UBE3C: variants seen among roughly 807,000 people sequenced by gnomAD.
The protein encoded by UBE3C is ubiquitin-protein ligase E3C.
Under a neutral mutation model 129.4 loss-of-function variants are expected in UBE3C, and 42 were observed. The ratio of observed to expected loss-of-function variants is 0.32; its 90% confidence interval spans 0.25 to 0.42. The LOEUF is 0.42. Ranked by LOEUF, UBE3C falls within the 10% of genes least tolerant of loss-of-function variation. The pLI is 1.00. For synonymous variants in UBE3C, 510 were observed against 492.4 expected, an observed-to-expected ratio of 1.04 and a Z score of -0.47; for missense variants, 1,049 against 1,319.1, an observed-to-expected ratio of 0.80 and a Z score of 3.17.
At chr7:157,236,170 G>A (rs1182434) in intron 18 of UBE3C, among the ~76,000 whole-genome samples, 145,313 of 152,308 alleles carry the variant, frequency 0.95, 69,373 homozygotes, top group East Asian at 0.99. Context: ...ATTGCATTTT[G>A]TCGCCTGTAA....
chr7:157,182,327 G>A lies in UBE3C; in HGVS notation c.990G>A (p.Leu330=). Residue 330 remains leucine, a splice_region_variant and synonymous_variant, in exon 8 of 23, where the codon TTG becomes TTA. Coordinates refer to ENST00000348165, the MANE Select transcript of UBE3C (RefSeq NM_014671.3). ...YFVLTVGENY[L]GALSEEGLLV... ...TTTTAACTGTTGGCGAAAATTATTTGGGTATGAAATACAAGATCTTTTTTA... is the reference window on the plus strand; with the variant it reads ...TTTTAACTGTTGGCGAAAATTATTTAGGTATGAAATACAAGATCTTTTTTA... 6.2e-7 allele frequency: 1 copy of A among 1,612,976 alleles called. No individual in the cohort carries two copies. Among genetic ancestry groups the A allele is most frequent in the Non-Finnish European group, 8.5e-7 (1 of 1,179,736 alleles).
At chr7:157,205,978 A>G (rs1044572508) in intron 11 of UBE3C, among the ~76,000 whole-genome samples, 1 of 152,122 alleles carries the variant, frequency 6.6e-6, no homozygotes, top group African/African-American at 2.4e-5. Context: ...TTGCTTTCAT[A>G]CATGATTTGT....
At chr7:157,190,211 A>T (rs1323207856) in intron 10 of UBE3C, among the ~76,000 whole-genome samples, 1 of 152,070 alleles carries the variant, frequency 6.6e-6, no homozygotes, top group East Asian at 1.9e-4. Context: ...AACTTTCTGG[A>T]GCTCCAGACA....
At chr7:157,185,218 T>C (rs1041892892) in intron 9 of UBE3C, among the ~76,000 whole-genome samples, 3 of 152,244 alleles carry the variant, frequency 2.0e-5, no homozygotes, top group Non-Finnish European at 2.9e-5. Flanking sequence ...TTCCTCGCTG[T>C]GGGTGTGCAA....
At chr7:157,195,632 C>T (rs1809097782) in intron 10 of UBE3C, among the ~76,000 whole-genome samples, 1 of 152,140 alleles carries the variant, frequency 6.6e-6, no homozygotes, top group African/African-American at 2.4e-5. Flanking sequence ...AACTTGTTTT[C>T]TAGGTTCGCA....
chr7:157,184,171 C>G, intron 9 of UBE3C, 142 bp downstream of exon 9: 8 of 1,053,450 alleles, frequency 7.6e-6, no homozygotes, highest in Non-Finnish European at 1.1e-5. Flanking sequence ...AGCCCCACTA[C>G]CACAGTTTCT....
intron 19 of UBE3C, 131 bp downstream of exon 19, chr7:157,248,711 A>G (rs1796542620): frequency 9.0e-6 from 9 of 994,796 alleles, no homozygotes; most frequent in Non-Finnish European, 1.4e-5. Context: ...GCTGTGAGTT[A>G]GACGTCGAAG....
intron 1 of UBE3C, among the ~76,000 whole-genome samples, chr7:157,139,687 G>A (rs150409893): frequency 2.0e-5 from 3 of 152,246 alleles, no homozygotes; most frequent in African/African-American, 7.2e-5. Context: ...CCATGCAGGA[G>A]GCCGGTGAAC....
intron 6 of UBE3C, among the ~76,000 whole-genome samples, chr7:157,179,644 G>A (rs925327104): frequency 9.2e-5 from 14 of 152,286 alleles, no homozygotes; most frequent in Admixed American, 5.9e-4. Context: ...AAAAATGTGC[G>A]TGAGACTAGT....
chr7:157,170,164 A>C (rs1388116463), intron 3 of UBE3C, 140 bp from the exon 4 acceptor site: 2 of 742,216 alleles, frequency 2.7e-6, no homozygotes, highest in East Asian at 6.2e-5. Context: ...CTACAATTCA[A>C]CTGTGAGCAA....
At chr7:157,179,434 A>G (rs1323479168) in intron 6 of UBE3C, among the ~76,000 whole-genome samples, 3 of 152,196 alleles carry the variant, frequency 2.0e-5, no homozygotes, top group Admixed American at 1.3e-4. Context: ...TAGAAGCTAT[A>G]CTGAACTGCA....
intron 1 of UBE3C, among the ~76,000 whole-genome samples, chr7:157,146,476 G>A (rs778691855): frequency 5.9e-5 from 9 of 151,940 alleles, no homozygotes; most frequent in Non-Finnish European, 8.8e-5. Flanking sequence ...CCGCCTGGGC[G>A]TCCCAAAGTG....
intron 13 of UBE3C, among the ~76,000 whole-genome samples, chr7:157,216,610 G>T (rs762562903): frequency 1.3e-5 from 2 of 151,912 alleles, no homozygotes; most frequent in Non-Finnish European, 2.9e-5. Context: ...AAGCTTAATC[G>T]CCACCTCCGT....
rs370316043 is a variant in UBE3C, at chr7:157,150,653, A to T, written c.66+11315A>T. 7.2e-5 allele frequency among the ~76,000 whole-genome samples: 11 copies of T among 152,356 alleles called. No homozygotes were observed. In the South Asian group the frequency reaches 1.9e-3, roughly 26 times the overall value. On this transcript the variant is annotated intron_variant, in intron 1 of 22. Coordinates refer to ENST00000348165, the MANE Select transcript of UBE3C (RefSeq NM_014671.3). ...GTCATGATGCGTATTAATGTCTGTC[A>T]TTAATTTATTAACATACTTGTATTT...
chr7:157,150,055 A>G (rs540585798), intron 1 of UBE3C, among the ~76,000 whole-genome samples: 1 of 152,234 alleles, frequency 6.6e-6, no homozygotes, highest in East Asian at 1.9e-4. Flanking sequence ...GGCACAACCT[A>G]CCTAGGGTTG....
At chr7:157,177,986 A>G (rs1009522115) in intron 5 of UBE3C, among the ~76,000 whole-genome samples, 8 of 152,004 alleles carry the variant, frequency 5.3e-5, no homozygotes, top group African/African-American at 1.9e-4. Flanking sequence ...TGTGAAAGCA[A>G]CAGGAGAAAT....
chr7:157,140,577 A>G (rs1029603916), intron 1 of UBE3C, among the ~76,000 whole-genome samples: 3 of 152,230 alleles, frequency 2.0e-5, no homozygotes, highest in African/African-American at 7.2e-5. Context: ...AGAGAATCTC[A>G]GGGCCAAATC....
intron 13 of UBE3C, among the ~76,000 whole-genome samples, chr7:157,213,565 A>G (rs1809655518): frequency 6.6e-6 from 1 of 152,362 alleles, no homozygotes; most frequent in South Asian, 2.1e-4. Context: ...GGTGCTAGAT[A>G]CTTGTAGAGC....
intron 10 of UBE3C, among the ~76,000 whole-genome samples, chr7:157,196,192 T>C (rs1809116479): frequency 6.6e-6 from 1 of 152,166 alleles, no homozygotes; most frequent in South Asian, 2.1e-4. Context: ...GAAGGTGGAA[T>C]GACAAGGAAA....
Sources: gnomAD v4.1 joint callset for allele counts (sites outside exome capture counted in the v4.1 genomes callset) on GRCh38, gnomAD v4.1.1 for gene constraint, MANE v1.5 for transcripts, NCBI Gene and HGNC (gene_info 2026-07-23, HGNC 2026-07-21) for gene names.